The following INSL6 variants were observed in gnomAD, a reference collection of about 807,000 sequenced individuals.
INSL6 encodes the protein insulin-like peptide INSL6.
In INSL6, 16 loss-of-function variants were observed where a neutral mutation model predicts 9.4. The ratio of observed to expected loss-of-function variants is 1.70; its 90% CI spans 1.15 to 2.59. The LOEUF is 2.59. Among genes scored for constraint, INSL6 ranks in the 30% most tolerant of loss-of-function variants. The pLI, the probability that INSL6 is intolerant of heterozygous loss-of-function variation, is 0.00. For missense variants in INSL6, 391 were observed against 257.3 expected (o/e 1.52, Z -3.56); for synonymous variants, 154 against 96.9 (o/e 1.59, Z -3.46).
chr9:5,090,676 TTAAGACCATTTAAA>T, the INSL6 span: 1 of 1,537,982 alleles, frequency 6.5e-7, no homozygotes, highest in South Asian at 1.3e-5. Context: ...ATATATAGGG[TTAAGACCATTTAAA>T]TTGTTTATAT....
Position 5,180,574 on chromosome 9 carries a change from G to A in INSL6, c.289+4740C>T, listed in dbSNP as rs574168271. ...GCTTCGGGAATGTCTGTCTTATGTCGTTGACATAAGGACTGATATACGCCC... is the reference window on the plus strand; with the variant it reads ...GCTTCGGGAATGTCTGTCTTATGTCATTGACATAAGGACTGATATACGCCC... On this transcript the variant is annotated intron_variant, in intron 1 of 1. Coordinates refer to ENST00000381641, the MANE Select transcript of INSL6 (RefSeq NM_007179.3). Among the ~76,000 whole-genome samples the A allele has an allele frequency of 3.9e-5, 6 of 152,172 alleles. No individual in the cohort carries two copies. The East Asian group carries it at 5.8e-4, about 15-fold the overall frequency.
At chr9:5,126,629 A>G in intron 3 of INSL6, 1 of 1,266,296 alleles carries the variant, frequency 7.9e-7, no homozygotes, top group Non-Finnish European at 1.1e-6. Flanking sequence ...TCTTCCACCA[A>G]TTAAAAGATG....
intron 2 of INSL6, among the ~76,000 whole-genome samples, chr9:5,138,259 G>A (rs568400049): frequency 6.6e-5 from 10 of 151,792 alleles, no homozygotes; most frequent in Admixed American, 5.3e-4. Context: ...TATAAATCAC[G>A]CTACTATAAA....
At chr9:5,155,028 A>C (rs1383922134) in intron 2 of INSL6, among the ~76,000 whole-genome samples, 1 of 151,942 alleles carries the variant, frequency 6.6e-6, no homozygotes. Flanking sequence ...ATGCACACGT[A>C]TGTTTATTGC....
chr9:5,137,028 G>C (rs1347495161), intron 2 of INSL6, among the ~76,000 whole-genome samples: 1 of 151,660 alleles, frequency 6.6e-6, no homozygotes, highest in African/African-American at 2.4e-5. Flanking sequence ...TTGCTACAAA[G>C]AGAATAAAAT....
intron 2 of INSL6, among the ~76,000 whole-genome samples, chr9:5,137,804 C>T (rs2130884473): frequency 6.6e-6 from 1 of 152,134 alleles, no homozygotes; most frequent in East Asian, 1.9e-4. Context: ...AACAGGTTAC[C>T]TACATAATGG....
chr9:5,031,967 C>G, the INSL6 span, among the ~76,000 whole-genome samples: 1 of 152,256 alleles, frequency 6.6e-6, no homozygotes, highest in Non-Finnish European at 1.5e-5. Context: ...GAGGCATCGC[C>G]ACACCCGGGA....
chr9:5,050,764 G>A, the INSL6 span: 4 of 1,613,096 alleles, frequency 2.5e-6, no homozygotes, highest in Admixed American at 5.0e-5. Context: ...TGGGATGGCA[G>A]TGTTAGATAT....
At chr9:5,061,781 G>A in the INSL6 span, among the ~76,000 whole-genome samples, 1 of 152,212 alleles carries the variant, frequency 6.6e-6, no homozygotes, top group African/African-American at 2.4e-5. Context: ...AAGAGGCCTA[G>A]CTTTCAGCGT....
chr9:5,146,571 T>G lies in INSL6; in HGVS notation c.377-12979A>C, dbSNP rs530561966. ...ACTCAGGGTGTGGGAGGATACCCTG[T>G]TCTCTGTGCAGCATTAACACAAGGG... is the stretch of plus-strand genomic sequence containing the variant. On this transcript the variant is annotated intron_variant, in intron 2 of 3. Transcript: ENST00000649639. Among the ~76,000 whole-genome samples, 7 of 152,308 alleles carry G rather than the reference T, an allele frequency of 4.6e-5. No individual in the cohort carries two copies. The East Asian group carries it at 1.3e-3, about 29-fold the overall frequency.
chr9:5,036,370 A>G, the INSL6 span, among the ~76,000 whole-genome samples: 1 of 152,218 alleles, frequency 6.6e-6, no homozygotes, highest in African/African-American at 2.4e-5. Context: ...GAATTGGAAA[A>G]AACTACTTTA....
In INSL6 at chr9:5,154,219, G is replaced by A. The variant is rs913710980; in HGVS notation, c.376+9960C>T. 5.9e-5 allele frequency among the ~76,000 whole-genome samples: 9 copies of A among 152,180 alleles called. No homozygotes were observed. The East Asian group carries it at 1.7e-3, about 29-fold the overall frequency. On this transcript the variant is annotated intron_variant, in intron 2 of 3. Coordinates refer to the INSL6 transcript ENST00000649639. ...ACAAACCTGACAAAAACAAGAAATG[G>A]GGAAAGGATTCCTTATTTAATAAAT...
the INSL6 span, among the ~76,000 whole-genome samples, chr9:5,019,762 C>T: frequency 1.3e-5 from 2 of 152,168 alleles, no homozygotes; most frequent in African/African-American, 2.4e-5. Flanking sequence ...AATCTGGGTG[C>T]ATGCAGTAGT....
the INSL6 span, among the ~76,000 whole-genome samples, chr9:4,995,808 A>G: frequency 6.6e-6 from 1 of 152,212 alleles, no homozygotes; most frequent in Non-Finnish European, 1.5e-5. Context: ...TTCTGATTTT[A>G]AACTTGAATT....
At chr9:5,025,619 C>A in the INSL6 span, among the ~76,000 whole-genome samples, 1 of 151,446 alleles carries the variant, frequency 6.6e-6, no homozygotes, top group Non-Finnish European at 1.5e-5. Context: ...CTGCCACCTC[C>A]GCCTTCCAAG....
In INSL6 at chr9:5,185,357, G is replaced by T. The variant is rs756914318; in HGVS notation, c.246C>A (p.Ser82Arg). Residue 82 changes from serine (S) to arginine (R), a missense_variant, in exon 1 of 2, where the codon AGC (serine) becomes AGA (arginine). Ser to Arg is a moderately radical substitution (Grantham distance 110). Transcript: ENST00000381641. ...CCCGGGCCGGGGAAGCGGTTTGCGG[G>T]CTTTCGAACTGGTATGGGCTGTAGG... ...VEAYSPYQFESPQTASPARGR... is the reference protein window; with the variant it reads ...VEAYSPYQFERPQTASPARGR... 6.2e-7 allele frequency: 1 copy of T among 1,614,106 alleles called. No individual in the cohort carries two copies. The highest frequency in any genetic ancestry group is 8.5e-7 in the Non-Finnish European group (1 of 1,180,012).
chr9:5,016,208 G>C, the INSL6 span, among the ~76,000 whole-genome samples: 2 of 152,180 alleles, frequency 1.3e-5, no homozygotes, highest in Admixed American at 6.5e-5. Context: ...ACATGATTTA[G>C]GAACTTCAGG....
At chr9:4,993,887 C>T in the INSL6 span, among the ~76,000 whole-genome samples, 1 of 152,190 alleles carries the variant, frequency 6.6e-6, no homozygotes, top group Non-Finnish European at 1.5e-5. Context: ...CCAATTTCCT[C>T]CCACATTCCA....
chr9:5,068,670 G>C, the INSL6 span, among the ~76,000 whole-genome samples: 2 of 152,190 alleles, frequency 1.3e-5, no homozygotes, highest in African/African-American at 2.4e-5. Context: ...AGCTGAGATT[G>C]GAGATGGAGG....
Sources: allele counts gnomAD v4.1 joint callset (sites outside exome capture counted in the v4.1 genomes callset), GRCh38; gene constraint gnomAD v4.1.1; transcripts MANE v1.5; gene names NCBI Gene and HGNC (gene_info 2026-07-23, HGNC 2026-07-21).